The following DCUN1D4 variants were observed in gnomAD, a reference collection of about 807,000 sequenced individuals.
The protein encoded by DCUN1D4 is DCN1-like protein 4.
Under a neutral mutation model 47.9 loss-of-function variants are expected in DCUN1D4, and 22 were observed. That is an observed-to-expected ratio of 0.46 (90% CI 0.33 to 0.66). The LOEUF (loss-of-function observed/expected upper bound fraction) is 0.66. Ranked by LOEUF, DCUN1D4 falls within the 30% of genes least tolerant of loss-of-function variation. DCUN1D4 has a pLI of 0.02. For synonymous variants in DCUN1D4, 121 were observed against 112.2 expected (o/e 1.08, Z -0.50); for missense variants, 301 against 340.8 (o/e 0.88, Z 0.92).
rs983977368 is a variant in DCUN1D4 at position 51,900,386 on chromosome 4, G to T, written c.615+1008G>T. On this transcript the variant is annotated intron_variant, in intron 8 of 10. Transcript: ENST00000334635. ...ATTTATTGATGTTAAAAACGATAAG[G>T]TGAAATTCAGATACAGTGTTTGATA... Among the ~76,000 whole-genome samples, 11 of 151,942 alleles carry T rather than the reference G, an allele frequency of 7.2e-5. No homozygotes were observed. In the East Asian group the frequency reaches 2.1e-3, roughly 29 times the overall value.
intron 1 of DCUN1D4, among the ~76,000 whole-genome samples, chr4:51,845,952 ATG>A (rs1254070664): frequency 1.3e-5 from 2 of 152,234 alleles, no homozygotes; most frequent in African/African-American, 4.8e-5. Context: ...ATATAAAAAT[ATG>A]TACAAAAATG....
intron 6 of DCUN1D4, among the ~76,000 whole-genome samples, chr4:51,888,351 G>A (rs1729854037): frequency 6.6e-6 from 1 of 152,120 alleles, no homozygotes. Flanking sequence ...AAGAAGAAAG[G>A]GAGGCACAGC....
chr4:51,866,103 G>T (rs1043159251), intron 3 of DCUN1D4, among the ~76,000 whole-genome samples: 4 of 152,184 alleles, frequency 2.6e-5, no homozygotes, highest in African/African-American at 9.6e-5. Flanking sequence ...CAGAGAATGC[G>T]CTAGGAGTGT....
At chr4:51,888,177 A>C (rs1305489620) in intron 6 of DCUN1D4, among the ~76,000 whole-genome samples, 1 of 152,124 alleles carries the variant, frequency 6.6e-6, no homozygotes, top group African/African-American at 2.4e-5. Flanking sequence ...TACCGTAGTA[A>C]GTATATGACA....
chr4:51,886,695 T>C, intron 6 of DCUN1D4, 57 bp downstream of exon 6: 3 of 1,368,832 alleles, frequency 2.2e-6, no homozygotes. Context: ...TACTTAAATC[T>C]TTGTTCTTTA....
intron 6 of DCUN1D4, 42 bp from the exon 7 acceptor site, chr4:51,891,718 G>A: frequency 6.9e-7 from 1 of 1,453,778 alleles, no homozygotes; most frequent in South Asian, 1.2e-5. Flanking sequence ...TTTTTAATTT[G>A]TGTAATATAT....
At chr4:51,854,688 C>A (rs1320877026) in intron 1 of DCUN1D4, among the ~76,000 whole-genome samples, 1 of 152,226 alleles carries the variant, frequency 6.6e-6, no homozygotes, top group Non-Finnish European at 1.5e-5. Context: ...TCTGTCATTG[C>A]AGTCTTTGAG....
intron 1 of DCUN1D4, among the ~76,000 whole-genome samples, chr4:51,850,550 T>C (rs1473602492): frequency 6.6e-6 from 1 of 152,176 alleles, no homozygotes; most frequent in Non-Finnish European, 1.5e-5. Flanking sequence ...TGCCTAAAAA[T>C]TGCCTGTTGA....
rs576211242 is a variant in DCUN1D4, at chr4:51,861,767, T to A, written c.26-1670T>A. Among the ~76,000 whole-genome samples, 11 of 152,236 alleles carry A rather than the reference T, an allele frequency of 7.2e-5. No individual in the cohort carries two copies. The South Asian group carries it at 2.3e-3, about 32-fold the overall frequency. ...GGAATGTATCATTTGTCTTCCTATA[T>A]TTAATCTGAGAGAGTACAAAAAGGG... On this transcript the variant is annotated intron_variant, in intron 1 of 10. Coordinates refer to ENST00000334635, the MANE Select transcript of DCUN1D4 (RefSeq NM_001040402.3).
intron 7 of DCUN1D4, among the ~76,000 whole-genome samples, chr4:51,894,680 G>A (rs564785157): frequency 1.2e-4 from 19 of 152,120 alleles, no homozygotes; most frequent in African/African-American, 4.1e-4. Flanking sequence ...GAAAGTAGTC[G>A]ATCTTTAAAC....
chr4:51,879,393 GT>G (rs1366750742), intron 5 of DCUN1D4, among the ~76,000 whole-genome samples: 2 of 152,196 alleles, frequency 1.3e-5, no homozygotes, highest in Non-Finnish European at 2.9e-5. Context: ...GATTGCCTGA[GT>G]TCAGGAGTTC....
upstream of DCUN1D4, chr4:51,843,107 G>T: frequency 6.9e-7 from 1 of 1,456,556 alleles, no homozygotes. Context: ...TTAGCCAATG[G>T]AGAAGGCGAG....
intron 5 of DCUN1D4, among the ~76,000 whole-genome samples, chr4:51,883,213 C>T (rs1728955457): frequency 6.6e-6 from 1 of 152,162 alleles, no homozygotes; most frequent in Admixed American, 6.5e-5. Context: ...ACCTCACAAA[C>T]CCATGTGCGT....
intron 1 of DCUN1D4, among the ~76,000 whole-genome samples, chr4:51,851,469 T>C (rs1723349208): frequency 2.0e-5 from 3 of 151,614 alleles, no homozygotes; most frequent in African/African-American, 7.3e-5. Flanking sequence ...CAACATGGCA[T>C]GGTGGGGACA....
At chr4:51,862,733 G>A (rs556236337) in intron 1 of DCUN1D4, among the ~76,000 whole-genome samples, 11 of 152,024 alleles carry the variant, frequency 7.2e-5, no homozygotes, top group South Asian at 2.1e-4. Flanking sequence ...TTGAGGCTGC[G>A]CGTAGTGGCC....
chr4:51,852,664 GA>G (rs1247682974), intron 1 of DCUN1D4, among the ~76,000 whole-genome samples: 4 of 152,204 alleles, frequency 2.6e-5, no homozygotes, highest in Admixed American at 2.0e-4. Flanking sequence ...TAATAGGGAT[GA>G]AAACAATTAA....
intron 1 of DCUN1D4, chr4:51,843,579 G>A: frequency 2.3e-6 from 3 of 1,282,276 alleles, no homozygotes; most frequent in Non-Finnish European, 2.9e-6. Context: ...CGGAGTGTCC[G>A]GGGTGCATGG....
At chr4:51,841,619 AATATT>A (rs1400800985), upstream of DCUN1D4, among the ~76,000 whole-genome samples, 1 of 152,166 alleles carries the variant, frequency 6.6e-6, no homozygotes, top group African/African-American at 2.4e-5. Context: ...GAATGATAAA[AATATT>A]ATATAAATAG....
intron 1 of DCUN1D4, chr4:51,844,460 G>A (rs1484742050): frequency 4.2e-6 from 4 of 961,726 alleles, no homozygotes; most frequent in South Asian, 4.8e-5. Context: ...TGCGGGCTGC[G>A]GGGTTTCAGC....
Sources: gnomAD v4.1 joint callset for allele counts (sites outside exome capture counted in the v4.1 genomes callset) on GRCh38, gnomAD v4.1.1 for gene constraint, MANE v1.5 for transcripts, NCBI Gene and HGNC (gene_info 2026-07-23, HGNC 2026-07-21) for gene names.